The following CACNB4 variants were observed in gnomAD, a reference collection of about 807,000 sequenced individuals.
CACNB4 encodes voltage-dependent L-type calcium channel subunit beta-4.
Under a neutral mutation model 71.2 loss-of-function variants are expected in CACNB4, and 32 were observed. That is an observed-to-expected ratio of 0.45 (90% CI 0.34 to 0.60). The LOEUF is 0.60. Among genes scored for constraint, CACNB4 ranks in the 20% least tolerant of loss-of-function variants. The pLI, the probability that CACNB4 is intolerant of heterozygous loss-of-function variation, is 0.01. For synonymous variants in CACNB4, 231 were observed against 236.9 expected (o/e 0.97, Z 0.23); for missense variants, 464 against 647.9 (o/e 0.72, Z 3.08).
chr2:152,016,846 G>T (rs1250905469), intron 2 of CACNB4, among the ~76,000 whole-genome samples: 1 of 152,168 alleles, frequency 6.6e-6, no homozygotes, highest in Non-Finnish European at 1.5e-5. Flanking sequence ...CATTCTGTGT[G>T]CTTACTGTTT....
At chr2:152,046,369 T>C (rs1054274736) in intron 2 of CACNB4, among the ~76,000 whole-genome samples, 4 of 152,178 alleles carry the variant, frequency 2.6e-5, no homozygotes, top group Non-Finnish European at 5.9e-5. Flanking sequence ...ATTACAAAAA[T>C]GTGAAAGCAG....
At chr2:151,868,937 A>G (rs1003036879) in intron 9 of CACNB4, 25 of 270,026 alleles carry the variant, frequency 9.3e-5, no homozygotes, top group Non-Finnish European at 1.4e-4. Flanking sequence ...GAAAATAAAG[A>G]TATATACATT....
intron 2 of CACNB4, among the ~76,000 whole-genome samples, chr2:152,018,847 G>T (rs1683497508): frequency 1.0e-5 from 1 of 98,178 alleles, no homozygotes; most frequent in Non-Finnish European, 2.0e-5. Context: ...ACAGACAAAG[G>T]TATCAAATAT....
chr2:151,905,361 CT>C (rs1243337528), intron 2 of CACNB4, among the ~76,000 whole-genome samples: 8 of 152,182 alleles, frequency 5.3e-5, no homozygotes, highest in African/African-American at 1.7e-4. Flanking sequence ...TTGCTTCCCC[CT>C]AAAACACATC....
At chr2:151,855,479 T>C (rs1229423088) in intron 10 of CACNB4, 104 bp from the exon 11 acceptor site, 12 of 828,440 alleles carry the variant, frequency 1.4e-5, no homozygotes, top group Non-Finnish European at 3.5e-6. Flanking sequence ...CATTACAAAA[T>C]AAAACATTTT....
intron 6 of CACNB4, 62 bp downstream of exon 6, chr2:151,872,355 T>C: frequency 1.1e-6 from 1 of 895,986 alleles, no homozygotes; most frequent in East Asian, 2.5e-5. Context: ...TACTTGCATG[T>C]GTGTTCAAAT....
chr2:152,076,935 AAT>A lies in CACNB4; in HGVS notation c.147+21393_147+21394del, dbSNP rs150236261. Among the ~76,000 whole-genome samples, 1,317 of 152,352 alleles carry A rather than the reference AAT, an allele frequency of 8.6e-3. 23 individuals carry two copies. The highest frequency in any genetic ancestry group is 0.03 in the African/African-American group (1,258 of 41,574). ...AGAAGGTAAATTCTGATAGTAATGG[AAT>A]GTGACAGAGAGTAAGCAGGGAGGGG... On this transcript the variant is annotated intron_variant, in intron 2 of 13. Transcript: ENST00000539935.
chr2:151,909,361 G>A (rs897335477), intron 2 of CACNB4, among the ~76,000 whole-genome samples: 10 of 151,044 alleles, frequency 6.6e-5, no homozygotes, highest in South Asian at 2.1e-4. Flanking sequence ...GCTTGAACCC[G>A]GGAGGTGGAA....
intron 2 of CACNB4, among the ~76,000 whole-genome samples, chr2:151,951,583 A>G (rs1467603754): frequency 1.3e-5 from 2 of 152,230 alleles, no homozygotes; most frequent in African/African-American, 2.4e-5. Context: ...AGTCAGGGCA[A>G]TAAGATGAGG....
chr2:152,084,521 G>C (rs1357231888), intron 2 of CACNB4, among the ~76,000 whole-genome samples: 3 of 152,162 alleles, frequency 2.0e-5, no homozygotes, highest in African/African-American at 4.8e-5. Context: ...AGGTGTTAAG[G>C]TCCTATGTCT....
chr2:151,853,449 G>T lies in CACNB4; in HGVS notation c.1115C>A (p.Pro372Gln). 6.3e-7 allele frequency: 1 copy of T among 1,576,498 alleles called. No homozygotes were observed. The highest frequency in any genetic ancestry group is 8.6e-7 in the Non-Finnish European group (1 of 1,156,550). Reference protein sequence around the residue: ...VAADKLAQCPPEMFDVILDEN... With the variant: ...VAADKLAQCPQEMFDVILDEN... ...AAGACAAAAAATGATCATACTTACT[G>T]GGGGGCATTGTGCAAGTTTATCAGC... is the stretch of plus-strand genomic sequence containing the variant. Residue 372 changes from proline (P) to glutamine (Q), a missense_variant and splice_region_variant, in exon 12 of 14, where the codon CCA becomes CAA. Around this residue, in one of 3 missense-constraint regions of CACNB4, gnomAD observed 299 missense variants for 471.7 expected, o/e 0.63. Transcript: ENST00000539935.
rs748422887 is a variant in CACNB4, at chr2:151,880,875, G to A, written c.315C>T (p.Gly105=). 35 of 1,613,422 alleles carry A rather than the reference G, an allele frequency of 2.2e-5. No homozygotes were observed. Among genetic ancestry groups the A allele is most frequent in the South Asian group, 3.3e-5 (3 of 90,978 alleles). The change falls in exon 4 of 14, where the codon GGC becomes GGT. Residue 105 remains glycine (G), a synonymous_variant. Coordinates refer to ENST00000539935, the MANE Select transcript of CACNB4 (RefSeq NM_000726.5). Reference sequence around the variant, plus strand: ...GAACAGGCACATCCTCGTCCAGGGCGCCGCAGTAGCTCACATTTGTCTTCA... The same window carrying A: ...GAACAGGCACATCCTCGTCCAGGGCACCGCAGTAGCTCACATTTGTCTTCA... The part of the protein sequence containing the change: ...FAVKTNVSYC[G]ALDEDVPVPS...
chr2:152,041,481 A>T (rs1684870365), intron 2 of CACNB4, among the ~76,000 whole-genome samples: 1 of 152,212 alleles, frequency 6.6e-6, no homozygotes, highest in Non-Finnish European at 1.5e-5. Context: ...GACAGTGGGA[A>T]GAAACATGAA....
In CACNB4 at chr2:151,881,738, G is replaced by C. The variant is rs2099847908; in HGVS notation, c.268-816C>G. ...TATTTGTGCTGGGAATCTGACTGGG[G>C]AACAGCAGTTAAGGCTGAAACCTCA... On this transcript the variant is annotated intron_variant, in intron 3 of 13. Coordinates refer to ENST00000539935, the MANE Select transcript of CACNB4 (RefSeq NM_000726.5). 1.3e-5 allele frequency among the ~76,000 whole-genome samples: 2 copies of C among 152,178 alleles called. 1 individual carries two copies. The highest frequency in any genetic ancestry group is 4.1e-4 in the South Asian group (2 of 4,828).
At chr2:152,099,103 G>T (rs1042771146), upstream of CACNB4, 3 of 774,466 alleles carry the variant, frequency 3.9e-6, no homozygotes, top group African/African-American at 3.8e-5. Context: ...GAGGGCGCAG[G>T]ACTTCCCCAC....
At chr2:151,973,841 T>A in intron 2 of CACNB4, 1 of 1,495,980 alleles carries the variant, frequency 6.7e-7, no homozygotes, top group Non-Finnish European at 8.9e-7. Context: ...TCCTGTGGAT[T>A]TACCAGGCAA....
chr2:151,892,803 A>G (rs989838531), intron 2 of CACNB4, among the ~76,000 whole-genome samples: 2 of 152,208 alleles, frequency 1.3e-5, no homozygotes, highest in African/African-American at 4.8e-5. Flanking sequence ...CTTCAGGGGG[A>G]AGAAGAGAAC....
At chr2:151,860,099 C>T (rs1296831999) in intron 10 of CACNB4, 3 of 152,666 alleles carry the variant, frequency 2.0e-5, no homozygotes, top group East Asian at 1.9e-4. Context: ...ATGTAATTCA[C>T]CAGCACTATG....
At chr2:152,050,691 G>C (rs555362804) in intron 2 of CACNB4, among the ~76,000 whole-genome samples, 63 of 152,216 alleles carry the variant, frequency 4.1e-4, no homozygotes, top group African/African-American at 1.3e-3. Context: ...ACTCCGGCCT[G>C]TGTGACAGAG....
Sources: allele counts gnomAD v4.1 joint callset (sites outside exome capture counted in the v4.1 genomes callset), GRCh38; gene constraint gnomAD v4.1.1; regional missense constraint gnomAD v4.1.1; transcripts MANE v1.5; gene names NCBI Gene and HGNC (gene_info 2026-07-23, HGNC 2026-07-21).